Variants in PCDHA1 observed in about 807,000 individuals in gnomAD.
PCDHA1 encodes protocadherin alpha 1.
In PCDHA1, 42 loss-of-function variants were observed where a neutral mutation model predicts 61.3. That is an observed-to-expected ratio of 0.69 (90% CI 0.54 to 0.89). The LOEUF (loss-of-function observed/expected upper bound fraction) is 0.89. Ranked by LOEUF, PCDHA1 falls within the 40% of genes least tolerant of loss-of-function variation. The pLI is 0.00. For synonymous variants in PCDHA1, 610 were observed against 553.8 expected (o/e 1.10, Z -1.43); for missense variants, 1,256 against 1,235.3 (o/e 1.02, Z -0.25).
chr5:140,835,312 T>C (rs1231514628), intron 1 of PCDHA1: 1 of 1,613,246 alleles, frequency 6.2e-7, no homozygotes, highest in Non-Finnish European at 8.5e-7. Context: ...CATATGGATT[T>C]TGAAGAAAGT....
At chr5:140,812,697 G>T (rs1368879557) in intron 1 of PCDHA1, 2 of 152,218 alleles carry the variant, frequency 1.3e-5, no homozygotes, top group African/African-American at 4.8e-5. Flanking sequence ...CCCTGCAAGT[G>T]ATCCTTGTGC....
At chr5:140,856,026 T>C in intron 1 of PCDHA1, 1 of 1,559,058 alleles carries the variant, frequency 6.4e-7, no homozygotes, top group Non-Finnish European at 8.7e-7. Context: ...ATTCGTCGAT[T>C]TGTAAAACAA....
At position 140,857,115 on chromosome 5, in the gene PCDHA1, T is replaced by C. The variant is rs782131761; in HGVS notation, c.2394+68431T>C. On this transcript the variant is annotated intron_variant, in intron 1 of 3. Coordinates refer to ENST00000504120, the MANE Select transcript of PCDHA1 (RefSeq NM_018900.4). ...GAGGTGATTGTCACTTCTCTGTCTC[T>C]CCCAGTGAAAGAAGATGCTCAAGTG... 20 of 1,597,830 alleles carry C rather than the reference T, an allele frequency of 1.3e-5. 2 individuals carry two copies. In the East Asian group the frequency reaches 3.8e-4, roughly 30 times the overall value.
chr5:140,842,664 T>A lies in PCDHA1; in HGVS notation c.2394+53980T>A. 1.9e-6 allele frequency: 3 copies of A among 1,595,188 alleles called. No homozygotes were observed. In the South Asian group the frequency reaches 3.3e-5, roughly 18 times the overall value. On this transcript the variant is annotated intron_variant, in intron 1 of 3. Transcript: ENST00000504120. The stretch of plus-strand genomic sequence containing the variant: ...AGCTTGTCTGTGGAGGTGGCCGACG[T>A]GAACGACAATGCTCCGGCGTTCGCG...
At chr5:140,829,746 A>G (rs1255016400) in intron 1 of PCDHA1, 1 of 1,613,582 alleles carries the variant, frequency 6.2e-7, no homozygotes, top group Non-Finnish European at 8.5e-7. Flanking sequence ...GTGACGCTGC[A>G]GGTGTTCGTG....
In PCDHA1 at chr5:140,841,967, G is replaced by T. The variant is rs1270523059; in HGVS notation, c.2394+53283G>T. On this transcript the variant is annotated intron_variant, in intron 1 of 3. Coordinates refer to ENST00000504120, the MANE Select transcript of PCDHA1 (RefSeq NM_018900.4). Reference sequence around the variant, plus strand: ...GCACCACTTATTCCTGACAGCCACAGATGGGGGCAAACCTGAGCTCACAGG... The same window carrying T: ...GCACCACTTATTCCTGACAGCCACATATGGGGGCAAACCTGAGCTCACAGG... The T allele has an allele frequency of 4.3e-6, 7 of 1,613,816 alleles. No homozygotes were observed. The Admixed American group carries it at 1.2e-4, about 27-fold the overall frequency.
intron 1 of PCDHA1, chr5:140,795,639 C>G (rs375678815): frequency 1.9e-6 from 3 of 1,613,958 alleles, no homozygotes; most frequent in Middle Eastern, 3.3e-4. Flanking sequence ...TCACGGGCAC[C>G]GTTCAAATAC....
At chr5:140,873,221 G>A (rs2054166323) in intron 1 of PCDHA1, among the ~76,000 whole-genome samples, 1 of 151,940 alleles carries the variant, frequency 6.6e-6, no homozygotes, top group African/African-American at 2.4e-5. Context: ...TTAAAGAGAA[G>A]GCAACAATAT....
At chr5:141,008,435 G>C (rs2098377041) in intron 3 of PCDHA1, among the ~76,000 whole-genome samples, 1 of 152,160 alleles carries the variant, frequency 6.6e-6, no homozygotes, top group South Asian at 2.1e-4. Context: ...ACTTTGCCCA[G>C]ACAGACCATT....
intron 1 of PCDHA1, chr5:140,848,602 C>A (rs140949600): frequency 8.2e-6 from 13 of 1,593,476 alleles, no homozygotes; most frequent in Non-Finnish European, 1.1e-5. Flanking sequence ...TACTCCGTCC[C>A]GGAGGAAGCC....
chr5:140,935,057 G>A (rs2090168860), intron 1 of PCDHA1, among the ~76,000 whole-genome samples: 1 of 152,034 alleles, frequency 6.6e-6, no homozygotes, highest in Non-Finnish European at 1.5e-5. Flanking sequence ...ATTACAAGAT[G>A]TTCAGATTAT....
rs781921336 is a variant in PCDHA1, at chr5:140,787,832, C to G, written c.1542C>G (p.Ser514Arg). ...LSNYVSVHAE[S>R]GKVYALQPLD... ...ACTACGTGTCAGTGCACGCGGAGAG[C>G]GGCAAGGTGTACGCACTGCAGCCCC... Residue 514 changes from serine to arginine, a missense_variant, in exon 1 of 4, where the codon AGC becomes AGG. Transcript: ENST00000504120. The G allele has an allele frequency of 1.2e-6, 2 of 1,612,566 alleles. No homozygotes were observed. Among genetic ancestry groups the G allele is most frequent in the African/African-American group, 2.7e-5 (2 of 75,006 alleles).
At chr5:140,913,993 G>A (rs2076550293) in intron 1 of PCDHA1, among the ~76,000 whole-genome samples, 2 of 152,040 alleles carry the variant, frequency 1.3e-5, no homozygotes, top group South Asian at 4.2e-4. Flanking sequence ...ATTGTGACTA[G>A]CATATGGTCT....
In PCDHA1 at chr5:140,870,953, C is replaced by T. The variant is rs782232980; in HGVS notation, c.2394+82269C>T. The T allele has an allele frequency of 3.2e-5, 51 of 1,613,668 alleles. No homozygotes were observed. In the East Asian group the frequency reaches 1.0e-3, roughly 32 times the overall value. ...GAATTGCAGCCGGCGGCGGGCGGCT[C>T]GCGCATCCCGTTCCGCGTGGGGCTG... On this transcript the variant is annotated intron_variant, in intron 1 of 3. Transcript: ENST00000504120.
chr5:140,842,242 T>A (rs1358378131), intron 1 of PCDHA1: 2 of 1,612,266 alleles, frequency 1.2e-6, no homozygotes, highest in Non-Finnish European at 1.7e-6. Flanking sequence ...TTCGGGGTAA[T>A]TTGGATTTTG....
intron 1 of PCDHA1, chr5:140,928,062 C>G: frequency 6.2e-7 from 1 of 1,614,194 alleles, no homozygotes; most frequent in Non-Finnish European, 8.5e-7. Context: ...TGACGGCTTC[C>G]TTTGACAACT....
intron 1 of PCDHA1, among the ~76,000 whole-genome samples, chr5:140,949,891 T>G (rs2094429972): frequency 6.6e-6 from 1 of 151,864 alleles, no homozygotes; most frequent in African/African-American, 2.4e-5. Context: ...TTCCTCAGAA[T>G]CTCTTTTAAT....
chr5:140,849,643 G>A, intron 1 of PCDHA1: 1 of 1,598,612 alleles, frequency 6.3e-7, no homozygotes, highest in Non-Finnish European at 8.6e-7. Flanking sequence ...GATGCCAACG[G>A]GCAGGTTACC....
chr5:140,787,392 G>A lies in PCDHA1; in HGVS notation c.1102G>A (p.Val368Ile), dbSNP rs782460804. The A allele has an allele frequency of 1.5e-5, 24 of 1,614,074 alleles. No individual in the cohort carries two copies. Among genetic ancestry groups the A allele is most frequent in the Non-Finnish European group, 1.6e-5 (19 of 1,180,040 alleles). Reference protein sequence around the residue: ...PIREDAPLSTVIALITVSDRD... With the variant: ...PIREDAPLSTIIALITVSDRD... ...CAGAGAGGACGCTCCACTCAGCACCGTCATCGCCCTCATCACCGTGTCTGA... is the reference window on the plus strand; with the variant it reads ...CAGAGAGGACGCTCCACTCAGCACCATCATCGCCCTCATCACCGTGTCTGA... The change falls in exon 1 of 4, where the codon GTC (valine) becomes ATC (isoleucine). Residue 368 changes from valine (V) to isoleucine (I), a missense_variant. Transcript: ENST00000504120.
Sources: gnomAD v4.1 joint callset for allele counts (sites outside exome capture counted in the v4.1 genomes callset) on GRCh38, gnomAD v4.1.1 for gene constraint, MANE v1.5 for transcripts, NCBI Gene and HGNC (gene_info 2026-07-23, HGNC 2026-07-21) for gene names.